AGBL4: variants seen among roughly 807,000 people sequenced by gnomAD.
The protein encoded by AGBL4 is cytosolic carboxypeptidase 6.
A neutral mutation model predicts 66.4 loss-of-function variants in AGBL4; 58 were observed. The observed-to-expected ratio is 0.87, with a 90% CI of 0.71 to 1.09. The LOEUF (loss-of-function observed/expected upper bound fraction) is 1.09. Among genes scored for constraint, AGBL4 ranks in the 50% least tolerant of loss-of-function variants. AGBL4 has a pLI of 0.00. For missense variants in AGBL4, 579 were observed against 631.0 expected, an observed-to-expected ratio of 0.92 and a Z score of 0.88; for synonymous variants, 234 against 222.9, an observed-to-expected ratio of 1.05 and a Z score of -0.44.
At chr1:49,940,233 A>G (rs1271084910) in intron 1 of AGBL4, among the ~76,000 whole-genome samples, 1 of 152,224 alleles carries the variant, frequency 6.6e-6, no homozygotes, top group South Asian at 2.1e-4. Flanking sequence ...GAGAAATAGG[A>G]ACACTTTTAC....
At chr1:48,591,097 C>CCCT (rs1644912187) in intron 9 of AGBL4, 112 bp from the exon 10 acceptor site, 1 of 750,482 alleles carries the variant, frequency 1.3e-6, no homozygotes, top group African/African-American at 2.0e-5. Context: ...CCCACCCCCC[C>CCCT]CCACACACAC....
intron 9 of AGBL4, among the ~76,000 whole-genome samples, chr1:48,616,332 C>A (rs959741621): frequency 6.6e-6 from 1 of 152,158 alleles, no homozygotes; most frequent in Admixed American, 6.5e-5. Flanking sequence ...CAGAGACGTT[C>A]AGAGCTCGTA....
chr1:49,141,980 C>A (rs1404098992), intron 4 of AGBL4, among the ~76,000 whole-genome samples: 1 of 152,096 alleles, frequency 6.6e-6, no homozygotes, highest in African/African-American at 2.4e-5. Context: ...AGGAACTGAG[C>A]CACACAGCAC....
chr1:48,880,753 T>C (rs1649701187), intron 5 of AGBL4, among the ~76,000 whole-genome samples: 1 of 152,210 alleles, frequency 6.6e-6, no homozygotes, highest in African/African-American at 2.4e-5. Flanking sequence ...TCCATGCTTT[T>C]TTCTAGCCAT....
intron 1 of AGBL4, among the ~76,000 whole-genome samples, chr1:50,012,582 T>A (rs926451430): frequency 1.2e-4 from 18 of 152,184 alleles, no homozygotes; most frequent in Non-Finnish European, 2.5e-4. Context: ...AAATAATTTA[T>A]CTATCCTCCT....
intron 3 of AGBL4, among the ~76,000 whole-genome samples, chr1:49,573,362 A>C (rs1259146377): frequency 6.6e-6 from 1 of 152,174 alleles, no homozygotes; most frequent in Admixed American, 6.5e-5. Flanking sequence ...TACTTCTAAT[A>C]GTATGGAGAA....
chr1:48,696,542 C>T (rs1043397613), intron 6 of AGBL4, among the ~76,000 whole-genome samples: 1 of 152,118 alleles, frequency 6.6e-6, no homozygotes, highest in Non-Finnish European at 1.5e-5. Flanking sequence ...CCTTAGATTC[C>T]TTGCCTGATG....
At chr1:49,556,516 T>A (rs201768857) in intron 3 of AGBL4, among the ~76,000 whole-genome samples, 2 of 146,688 alleles carry the variant, frequency 1.4e-5, no homozygotes, top group African/African-American at 2.5e-5. Context: ...ATAAAAAAAA[T>A]TATATATATA....
chr1:49,964,549 A>G (rs1056565974), intron 1 of AGBL4, among the ~76,000 whole-genome samples: 2 of 152,154 alleles, frequency 1.3e-5, no homozygotes, highest in Non-Finnish European at 2.9e-5. Flanking sequence ...AGGATTGTAC[A>G]GAATATAAGA....
chr1:48,764,980 T>A (rs564260018), intron 6 of AGBL4, among the ~76,000 whole-genome samples: 42 of 152,110 alleles, frequency 2.8e-4, no homozygotes, highest in Non-Finnish European at 4.9e-4. Context: ...GGAGGCCTCA[T>A]TCCCCCACCA....
intron 1 of AGBL4, among the ~76,000 whole-genome samples, chr1:49,888,650 G>T (rs1050652341): frequency 4.6e-5 from 7 of 152,096 alleles, no homozygotes; most frequent in African/African-American, 2.4e-5. Flanking sequence ...TATTAGATTG[G>T]ATAACAGCCA....
chr1:50,023,081 T>C (rs1024610186), intron 1 of AGBL4, among the ~76,000 whole-genome samples: 23 of 151,970 alleles, frequency 1.5e-4, no homozygotes, highest in African/African-American at 5.5e-4. Context: ...TCAAGATCAT[T>C]GAACCCACAC....
chr1:49,224,616 C>CAAAA (rs377573639), intron 4 of AGBL4, among the ~76,000 whole-genome samples: 5 of 74,710 alleles, frequency 6.7e-5, no homozygotes, highest in Non-Finnish European at 9.8e-5. Flanking sequence ...GACTCCCTCT[C>CAAAA]AAAAAAAAAA....
intron 6 of AGBL4, among the ~76,000 whole-genome samples, chr1:48,834,093 C>A (rs1433086278): frequency 1.3e-5 from 2 of 152,206 alleles, no homozygotes; most frequent in Non-Finnish European, 2.9e-5. Context: ...TCACCTCTTT[C>A]TTCCTTCCGA....
At chr1:48,901,141 A>G (rs1226262462) in intron 5 of AGBL4, among the ~76,000 whole-genome samples, 1 of 152,238 alleles carries the variant, frequency 6.6e-6, no homozygotes, top group Non-Finnish European at 1.5e-5. Context: ...ATTAGTCATT[A>G]GGAAAATGCA....
chr1:48,676,367 G>A (rs770087801), intron 6 of AGBL4, among the ~76,000 whole-genome samples: 1 of 152,222 alleles, frequency 6.6e-6, no homozygotes, highest in African/African-American at 2.4e-5. Context: ...TAACAAACAG[G>A]GACTCAGGCA....
chr1:49,349,423 T>C (rs1213392759), intron 3 of AGBL4, among the ~76,000 whole-genome samples: 6 of 152,146 alleles, frequency 3.9e-5, no homozygotes, highest in Non-Finnish European at 8.8e-5. Context: ...CTTTCCTCCC[T>C]TGTTCTCCTC....
At chr1:49,680,791 T>A (rs907550394) in intron 3 of AGBL4, among the ~76,000 whole-genome samples, 3 of 152,186 alleles carry the variant, frequency 2.0e-5, no homozygotes, top group Non-Finnish European at 4.4e-5. Context: ...TTTGTATGAA[T>A]GATTTTCAGC....
At chr1:49,572,959 C>T (rs111588234) in intron 3 of AGBL4, among the ~76,000 whole-genome samples, 2 of 152,116 alleles carry the variant, frequency 1.3e-5, no homozygotes, top group East Asian at 1.9e-4. Flanking sequence ...TCCCAGCCTA[C>T]AGCTTTCTCC....
Sources: allele counts gnomAD v4.1 joint callset (sites outside exome capture counted in the v4.1 genomes callset), GRCh38; gene constraint gnomAD v4.1.1; transcripts MANE v1.5; gene names NCBI Gene and HGNC (gene_info 2026-07-23, HGNC 2026-07-21).